The following RTTN variants were observed in gnomAD, a reference collection of about 807,000 sequenced individuals.
The protein encoded by RTTN is rotatin.
A neutral mutation model predicts 269.2 loss-of-function variants in RTTN; 182 were observed. The observed-to-expected ratio is 0.68, with a 90% CI of 0.60 to 0.76. RTTN has a LOEUF of 0.76. RTTN is among the 30% of genes least tolerant of loss of function. RTTN has a pLI of 0.00. For synonymous variants in RTTN, 1,006 were observed against 963.5 expected, an observed-to-expected ratio of 1.04 and a Z score of -0.82; for missense variants, 2,545 against 2,608.6, an observed-to-expected ratio of 0.98 and a Z score of 0.53.
At chr18:70,014,512 G>A (rs2056482752) in intron 46 of RTTN, among the ~76,000 whole-genome samples, 1 of 152,050 alleles carries the variant, frequency 6.6e-6, no homozygotes, top group African/African-American at 2.4e-5. Context: ...GTTCCCTGAG[G>A]CCCAGTATGA....
intron 11 of RTTN, among the ~76,000 whole-genome samples, chr18:70,171,851 T>A (rs138204557): frequency 3.2e-4 from 49 of 152,364 alleles, no homozygotes; most frequent in African/African-American, 1.2e-3. Context: ...ATATGCAAGA[T>A]GTGATTAACA....
chr18:70,136,650 A>C (rs575639959), intron 21 of RTTN, among the ~76,000 whole-genome samples: 1 of 152,178 alleles, frequency 6.6e-6, no homozygotes, highest in African/African-American at 2.4e-5. Context: ...TTTACCTATA[A>C]GATTAAAAAA....
intron 28 of RTTN, among the ~76,000 whole-genome samples, chr18:70,102,791 G>C (rs2059204692): frequency 6.6e-6 from 1 of 152,208 alleles, no homozygotes; most frequent in African/African-American, 2.4e-5. Flanking sequence ...CTCAGCATTT[G>C]CTTGTCTGTA....
At position 70,020,642 on chromosome 18, in the gene RTTN, C is replaced by A. The variant is rs773034780; in HGVS notation, c.6126G>T (p.Ser2042=). 9.9e-6 allele frequency: 16 copies of A among 1,613,836 alleles called. No homozygotes were observed. The highest frequency in any genetic ancestry group is 1.3e-5 in the Non-Finnish European group (15 of 1,179,828). ...VFMLLSNLAL[S]HDCKGVIQKS... ...TCTGAATTACTCCTTTACAGTCATG[C>A]GACAAGGCCAGGTTTGAAAGAAGCA... is the stretch of plus-strand genomic sequence containing the variant. The change falls in exon 45 of 49, where the codon TCG becomes TCT. Residue 2042 remains serine, a synonymous_variant. Transcript: ENST00000640769.
chr18:70,125,036 T>A (rs775279533), intron 25 of RTTN, among the ~76,000 whole-genome samples: 4 of 152,052 alleles, frequency 2.6e-5, no homozygotes, highest in African/African-American at 4.8e-5. Flanking sequence ...CAAAATGATA[T>A]TAGATTATAA....
intron 10 of RTTN, among the ~76,000 whole-genome samples, chr18:70,184,306 C>A (rs527319212): frequency 1.3e-5 from 2 of 152,270 alleles, no homozygotes; most frequent in South Asian, 4.2e-4. Context: ...GTAGTCCCAG[C>A]ACTCTGGGAG....
chr18:70,051,396 C>T lies in RTTN; in HGVS notation c.5323+15G>A. On this transcript the variant is annotated intron_variant, in intron 39 of 48. Transcript: ENST00000640769. ...TTAGCAGAAAGCCCCCAAGATTATG[C>T]AAGTATCTTCTTACCAATCGCCGCT... 6 of 1,590,984 alleles carry T rather than the reference C, an allele frequency of 3.8e-6. No homozygotes were observed. Among genetic ancestry groups the T allele is most frequent in the Non-Finnish European group, 5.1e-6 (6 of 1,173,500 alleles).
chr18:70,127,383 T>G (rs2059891771), intron 25 of RTTN, 119 bp downstream of exon 25: 2 of 1,199,476 alleles, frequency 1.7e-6, no homozygotes, highest in Admixed American at 2.5e-5. Flanking sequence ...AATCCTGGAG[T>G]TTTTCTTTCT....
chr18:70,040,312 A>AG (rs2057302925), intron 40 of RTTN, among the ~76,000 whole-genome samples: 1 of 151,906 alleles, frequency 6.6e-6, no homozygotes, highest in East Asian at 1.9e-4. Context: ...AACAAAAAAA[A>AG]AATTGGGAGT....
intron 32 of RTTN, among the ~76,000 whole-genome samples, chr18:70,084,324 T>C (rs2145163780): frequency 6.6e-6 from 1 of 152,268 alleles, no homozygotes. Flanking sequence ...CACAACACTA[T>C]GAAAGGGACA....
At chr18:70,099,849 A>G (rs963106706) in intron 28 of RTTN, among the ~76,000 whole-genome samples, 2 of 152,288 alleles carry the variant, frequency 1.3e-5, no homozygotes, top group African/African-American at 2.4e-5. Context: ...TGCTTTCCCC[A>G]TTTCTTCTTT....
chr18:70,121,769 A>G, intron 25 of RTTN, 69 bp from the exon 26 acceptor site: 1 of 1,363,070 alleles, frequency 7.3e-7, no homozygotes, highest in Non-Finnish European at 9.8e-7. Flanking sequence ...TTCATCATAG[A>G]TATGTGGACT....
At chr18:70,050,937 G>A (rs907538452) in intron 39 of RTTN, among the ~76,000 whole-genome samples, 2 of 152,142 alleles carry the variant, frequency 1.3e-5, no homozygotes, top group African/African-American at 4.8e-5. Context: ...AGCAAGGGGA[G>A]GGAGAGCATT....
intron 11 of RTTN, among the ~76,000 whole-genome samples, chr18:70,174,713 T>TA (rs34093447): frequency 0.026 from 3,646 of 138,330 alleles, 61 homozygotes; most frequent in Non-Finnish European, 0.031. Flanking sequence ...AAGAAATGGT[T>TA]AAAAAAAAAA....
intron 32 of RTTN, among the ~76,000 whole-genome samples, chr18:70,083,498 T>C (rs1181315930): frequency 1.3e-5 from 2 of 152,032 alleles, no homozygotes; most frequent in Non-Finnish European, 2.9e-5. Context: ...AGTTAAATGG[T>C]AAGAAATAAT....
chr18:70,062,851 C>T (rs80325780), intron 35 of RTTN, among the ~76,000 whole-genome samples: 8,668 of 152,202 alleles, frequency 0.057, 303 homozygotes, highest in East Asian at 0.11. Flanking sequence ...TCCAAAAGTT[C>T]TAGGATTATT....
At chr18:70,061,625 C>G (rs147453444) in intron 35 of RTTN, among the ~76,000 whole-genome samples, 7 of 152,180 alleles carry the variant, frequency 4.6e-5, no homozygotes, top group African/African-American at 1.4e-4. Context: ...TCACTTTAGG[C>G]AAGGAGTTCA....
chr18:70,026,358 G>A (rs996852874), intron 43 of RTTN, among the ~76,000 whole-genome samples: 5 of 152,162 alleles, frequency 3.3e-5, no homozygotes, highest in Middle Eastern at 3.4e-3. Context: ...TCTTGGGGGC[G>A]GATTCCTCAT....
intron 32 of RTTN, among the ~76,000 whole-genome samples, chr18:70,079,525 C>A (rs571610686): frequency 4.8e-4 from 73 of 152,110 alleles, no homozygotes; most frequent in African/African-American, 1.6e-3. Context: ...TCCATACATC[C>A]ATCAGTAATT....
Sources: gnomAD v4.1 joint callset for allele counts (sites outside exome capture counted in the v4.1 genomes callset) on GRCh38, gnomAD v4.1.1 for gene constraint, MANE v1.5 for transcripts, NCBI Gene and HGNC (gene_info 2026-07-23, HGNC 2026-07-21) for gene names.